The following GLI3 variants were observed in gnomAD, a reference collection of about 807,000 sequenced individuals.
The protein encoded by GLI3 is GLI family zinc finger 3.
GLI3 carries 20 observed loss-of-function variants against 100.8 expected under a neutral mutation model. The ratio of observed to expected loss-of-function variants is 0.20; its 90% CI spans 0.14 to 0.29. GLI3 has a LOEUF of 0.29. Among genes scored for constraint, GLI3 ranks in the 10% least tolerant of loss-of-function variants. The pLI is 1.00. For missense variants in GLI3, 2,040 were observed against 2,128.5 expected (o/e 0.96, Z 0.82); for synonymous variants, 938 against 860.5 (o/e 1.09, Z -1.58).
intron 10 of GLI3, among the ~76,000 whole-genome samples, chr7:42,016,744 T>C (rs2128727879): frequency 6.6e-6 from 1 of 152,272 alleles, no homozygotes; most frequent in South Asian, 2.1e-4. Flanking sequence ...CATCATTTCA[T>C]CAGGCCTCAA....
chr7:42,245,441 A>G (rs2128709591), intron 1 of GLI3, among the ~76,000 whole-genome samples: 1 of 152,248 alleles, frequency 6.6e-6, no homozygotes. Flanking sequence ...TTACTTTGGG[A>G]GGCTGAGGCG....
At chr7:42,223,761 C>T (rs1372638804) in intron 1 of GLI3, among the ~76,000 whole-genome samples, 1 of 152,170 alleles carries the variant, frequency 6.6e-6, no homozygotes. Context: ...TTTCTAACAT[C>T]GAAGGCCTAC....
At chr7:42,161,157 C>G (rs1358828292) in intron 2 of GLI3, among the ~76,000 whole-genome samples, 1 of 152,210 alleles carries the variant, frequency 6.6e-6, no homozygotes, top group Non-Finnish European at 1.5e-5. Flanking sequence ...CCTGTATCCT[C>G]TGACTGCTTT....
At chr7:41,994,802 G>A (rs2141173) in intron 10 of GLI3, among the ~76,000 whole-genome samples, 90,554 of 152,146 alleles carry the variant, frequency 0.6, 29,116 homozygotes, top group African/African-American at 0.86. Context: ...TTTCTTGGGA[G>A]TATTTGGCCG....
Position 42,048,595 on chromosome 7 carries a change from G to A in GLI3, c.575C>T (p.Pro192Leu), listed in dbSNP as rs568307651. Reference protein sequence around the residue: ...PTAASESPFSPPHPYINPYMD... With the variant: ...PTAASESPFSLPHPYINPYMD... ...GTAGGGATTAATGTAGGGATGTGGA[G>A]GGCTGAAGGGAGACTCGGAAGCAGC... The change falls in exon 5 of 15, where the codon CCT becomes CTT. Residue 192 changes from proline (P) to leucine (L), a missense_variant. Pro to Leu is a moderately conservative substitution (Grantham distance 98, BLOSUM62 -3). Transcript: ENST00000395925. The A allele has an allele frequency of 1.2e-5, 19 of 1,611,690 alleles. No individual in the cohort carries two copies. The East Asian group carries it at 3.3e-4, about 28-fold the overall frequency.
chr7:42,135,839 C>A (rs1202515320), intron 3 of GLI3, among the ~76,000 whole-genome samples: 1 of 151,580 alleles, frequency 6.6e-6, no homozygotes, highest in African/African-American at 2.4e-5. Flanking sequence ...TACCAAGATG[C>A]CTTTGTGGAA....
At chr7:42,017,459 C>T (rs1176831579) in intron 10 of GLI3, among the ~76,000 whole-genome samples, 1 of 152,054 alleles carries the variant, frequency 6.6e-6, no homozygotes, top group Non-Finnish European at 1.5e-5. Context: ...GGCAGTCACC[C>T]ATAACTGTTC....
intron 10 of GLI3, among the ~76,000 whole-genome samples, chr7:42,017,015 G>A (rs1788783577): frequency 6.6e-6 from 1 of 152,202 alleles, no homozygotes; most frequent in South Asian, 2.1e-4. Context: ...TACCACATGG[G>A]CTGTCCCCAG....
intron 1 of GLI3, among the ~76,000 whole-genome samples, chr7:42,228,484 G>A (rs1005836564): frequency 6.6e-6 from 1 of 152,172 alleles, no homozygotes; most frequent in Non-Finnish European, 1.5e-5. Flanking sequence ...GTATCAGAGT[G>A]GTCACCCTGC....
intron 3 of GLI3, among the ~76,000 whole-genome samples, chr7:42,100,433 T>C (rs1269699696): frequency 6.6e-6 from 1 of 152,146 alleles, no homozygotes. Flanking sequence ...ACTCCTAGTG[T>C]CTTTATAAGA....
In GLI3 at chr7:42,143,510, G is replaced by C. The variant is rs577735439; in HGVS notation, c.367+4716C>G. Among the ~76,000 whole-genome samples, 4 of 152,278 alleles carry C rather than the reference G, an allele frequency of 2.6e-5. No homozygotes were observed. The East Asian group carries it at 7.7e-4, about 29-fold the overall frequency. On this transcript the variant is annotated intron_variant, in intron 3 of 14. Coordinates refer to ENST00000395925, the MANE Select transcript of GLI3 (RefSeq NM_000168.6). Reference sequence around the variant, plus strand: ...ATACATCCTCTCTTCCATTCACTCAGAAGATGTATTTCTAAAGGGATGTGG... The same window carrying C: ...ATACATCCTCTCTTCCATTCACTCACAAGATGTATTTCTAAAGGGATGTGG...
intron 3 of GLI3, among the ~76,000 whole-genome samples, chr7:42,105,740 T>C (rs980794858): frequency 1.8e-4 from 27 of 152,270 alleles, no homozygotes; most frequent in Non-Finnish European, 1.5e-4. Context: ...AGACTGTGTG[T>C]GTCCAGTGCT....
chr7:42,048,473 A>C lies in GLI3; in HGVS notation c.679+18T>G. 3 of 1,556,942 alleles carry C rather than the reference A, an allele frequency of 1.9e-6. No individual in the cohort carries two copies. Among genetic ancestry groups the C allele is most frequent in the Non-Finnish European group, 2.7e-6 (3 of 1,128,652 alleles). ...GAGGCTGCATGATCTCCAGAAGCAG[A>C]ATCCATCCTGGACTTACCATCTGTA... On this transcript the variant is annotated intron_variant, in intron 5 of 14. Coordinates refer to ENST00000395925, the MANE Select transcript of GLI3 (RefSeq NM_000168.6).
intron 3 of GLI3, among the ~76,000 whole-genome samples, chr7:42,090,002 C>G (rs1421616685): frequency 6.6e-6 from 1 of 152,192 alleles, no homozygotes; most frequent in African/African-American, 2.4e-5. Context: ...TAGCCTATTA[C>G]TCGTAGGCTA....
At chr7:42,116,595 A>G (rs1392819486) in intron 3 of GLI3, among the ~76,000 whole-genome samples, 2 of 152,160 alleles carry the variant, frequency 1.3e-5, no homozygotes, top group African/African-American at 4.8e-5. Context: ...TTATATGAAC[A>G]ACTTAAAAAT....
chr7:42,202,789 G>C (rs987299914), intron 2 of GLI3, among the ~76,000 whole-genome samples: 8 of 152,220 alleles, frequency 5.3e-5, no homozygotes, highest in African/African-American at 1.9e-4. Context: ...GTGAATGGAC[G>C]GGGGTCCCAC....
rs1429318755 is a variant in GLI3, at chr7:41,988,835, T to C, written c.1498-10087A>G. On this transcript the variant is annotated intron_variant, in intron 10 of 14. Coordinates refer to ENST00000395925, the MANE Select transcript of GLI3 (RefSeq NM_000168.6). ...ATTTTGTTTTCTGAGTTCTAAGTTA[T>C]TTTACTAAAACGAAAATGTAACTGT... 2.6e-5 allele frequency among the ~76,000 whole-genome samples: 4 copies of C among 152,220 alleles called. No homozygotes were observed. The East Asian group carries it at 5.8e-4, about 22-fold the overall frequency.
Position 42,128,513 on chromosome 7 carries a change from T to C in GLI3, c.367+19713A>G, listed in dbSNP as rs560551271. On this transcript the variant is annotated intron_variant, in intron 3 of 14. Coordinates refer to ENST00000395925, the MANE Select transcript of GLI3 (RefSeq NM_000168.6). ...TTGTAAGTAATTCTATAAAATATGA[T>C]ACATGCCTAGTTTTTAGGTAGAAGT... Among the ~76,000 whole-genome samples the C allele has an allele frequency of 2.3e-4, 35 of 152,364 alleles. 1 individual carries two copies. The South Asian group carries it at 6.8e-3, about 30-fold the overall frequency.
At chr7:42,075,355 G>A (rs772586652) in intron 4 of GLI3, among the ~76,000 whole-genome samples, 9 of 152,158 alleles carry the variant, frequency 5.9e-5, no homozygotes, top group Non-Finnish European at 1.2e-4. Context: ...CCATGTCTCC[G>A]AGGTCTATCT....
Sources: allele counts gnomAD v4.1 joint callset (sites outside exome capture counted in the v4.1 genomes callset), GRCh38; gene constraint gnomAD v4.1.1; transcripts MANE v1.5; gene names NCBI Gene and HGNC (gene_info 2026-07-23, HGNC 2026-07-21).